PALM2AKAP2: variants seen among roughly 807,000 people sequenced by gnomAD.
PALM2AKAP2 encodes the protein PALM2-AKAP2 fusion protein.
Under a neutral mutation model 71.5 loss-of-function variants are expected in PALM2AKAP2, and 37 were observed. The observed-to-expected ratio is 0.52, with a 90% CI of 0.40 to 0.68. PALM2AKAP2 has a LOEUF of 0.68. Among genes scored for constraint, PALM2AKAP2 ranks in the 30% least tolerant of loss-of-function variants. The pLI is 0.00. For synonymous variants in PALM2AKAP2, 468 were observed against 478.8 expected (o/e 0.98, Z 0.29); for missense variants, 1,224 against 1,191.8 (o/e 1.03, Z -0.40).
At chr9:109,859,087 A>G (rs1829245670) in intron 1 of PALM2AKAP2, among the ~76,000 whole-genome samples, 1 of 152,206 alleles carries the variant, frequency 6.6e-6, no homozygotes, top group African/African-American at 2.4e-5. Flanking sequence ...ATAATATTGC[A>G]TCTAAATTCT....
intron 1 of PALM2AKAP2, among the ~76,000 whole-genome samples, chr9:109,794,112 G>A (rs1177632153): frequency 6.6e-6 from 1 of 152,130 alleles, no homozygotes; most frequent in Non-Finnish European, 1.5e-5. Flanking sequence ...GAACAATAAA[G>A]CATCTCAGAC....
intron 3 of PALM2AKAP2, among the ~76,000 whole-genome samples, chr9:109,887,527 C>A (rs1394792369): frequency 6.6e-6 from 1 of 152,070 alleles, no homozygotes; most frequent in East Asian, 1.9e-4. Context: ...TGTAATATTT[C>A]CTGTTTTGTC....
At chr9:110,134,137 T>C (rs1452752149) in intron 1 of PALM2AKAP2, among the ~76,000 whole-genome samples, 1 of 152,000 alleles carries the variant, frequency 6.6e-6, no homozygotes, top group East Asian at 1.9e-4. Flanking sequence ...TTTTAAAAAT[T>C]AGCCAGGCAT....
At chr9:109,954,353 C>T (rs1477663979) in intron 6 of PALM2AKAP2, among the ~76,000 whole-genome samples, 1 of 151,888 alleles carries the variant, frequency 6.6e-6, no homozygotes, top group Non-Finnish European at 1.5e-5. Context: ...ATTAATAGAC[C>T]ACATCATCTC....
At chr9:109,746,677 G>T (rs1363575796) in intron 1 of PALM2AKAP2, among the ~76,000 whole-genome samples, 1 of 152,140 alleles carries the variant, frequency 6.6e-6, no homozygotes, top group Non-Finnish European at 1.5e-5. Context: ...TGTGGATCTG[G>T]TTCAGGCACT....
chr9:110,093,287 T>G (rs1834758836), intron 1 of PALM2AKAP2, among the ~76,000 whole-genome samples: 1 of 152,114 alleles, frequency 6.6e-6, no homozygotes, highest in Admixed American at 6.5e-5. Context: ...TTACTGGATG[T>G]GAGATGTAAT....
chr9:109,804,622 G>A (rs1399597002), intron 1 of PALM2AKAP2, among the ~76,000 whole-genome samples: 1 of 152,108 alleles, frequency 6.6e-6, no homozygotes, highest in East Asian at 1.9e-4. Flanking sequence ...CATTTTTCTG[G>A]TTAGCTGACA....
intron 1 of PALM2AKAP2, among the ~76,000 whole-genome samples, chr9:109,865,140 C>T (rs1218568717): frequency 8.3e-6 from 1 of 119,966 alleles, no homozygotes; most frequent in Admixed American, 1.1e-4. Context: ...ACTCTGTCGC[C>T]CAGGCTGGAG....
intron 1 of PALM2AKAP2, among the ~76,000 whole-genome samples, chr9:110,118,127 C>T (rs1165848536): frequency 6.7e-6 from 1 of 149,454 alleles, no homozygotes; most frequent in African/African-American, 2.5e-5. Context: ...CTAGAAATAA[C>T]CTAAATTAAT....
At chr9:109,815,358 A>G (rs1188717861) in intron 1 of PALM2AKAP2, among the ~76,000 whole-genome samples, 1 of 152,200 alleles carries the variant, frequency 6.6e-6, no homozygotes, top group Non-Finnish European at 1.5e-5. Flanking sequence ...ACATGTAGGT[A>G]TGGAATTCAG....
intron 1 of PALM2AKAP2, among the ~76,000 whole-genome samples, chr9:110,061,623 AT>A (rs1366175107): frequency 1.4e-5 from 2 of 148,094 alleles, no homozygotes; most frequent in Non-Finnish European, 3.0e-5. Flanking sequence ...TATATATAAA[AT>A]ATATATATTT....
chr9:109,965,604 G>A (rs1264297035), intron 6 of PALM2AKAP2, among the ~76,000 whole-genome samples: 3 of 152,308 alleles, frequency 2.0e-5, no homozygotes, highest in African/African-American at 7.2e-5. Flanking sequence ...ATTGTTTAAT[G>A]GGTACAGAAT....
intron 3 of PALM2AKAP2, among the ~76,000 whole-genome samples, chr9:109,912,555 A>G: frequency 6.6e-6 from 1 of 152,242 alleles, no homozygotes; most frequent in Non-Finnish European, 1.5e-5. Context: ...ATAGAAACAA[A>G]TGCGCTGTCT....
intron 1 of PALM2AKAP2, among the ~76,000 whole-genome samples, chr9:109,711,012 G>A (rs1219787300): frequency 6.6e-6 from 1 of 152,186 alleles, no homozygotes; most frequent in Non-Finnish European, 1.5e-5. Flanking sequence ...AAAACTGGTT[G>A]AAGACAGTTT....
upstream of PALM2AKAP2, among the ~76,000 whole-genome samples, chr9:109,775,986 A>G (rs947255924): frequency 6.6e-6 from 1 of 152,244 alleles, no homozygotes; most frequent in Admixed American, 6.5e-5. Context: ...ATGCAACACA[A>G]TTTAATGTCC....
intron 1 of PALM2AKAP2, among the ~76,000 whole-genome samples, chr9:109,654,794 C>A (rs563665972): frequency 1.5e-5 from 2 of 131,378 alleles, no homozygotes; most frequent in Admixed American, 7.3e-5. Flanking sequence ...TATTAAACTT[C>A]ATGCTTTTTA....
intron 3 of PALM2AKAP2, among the ~76,000 whole-genome samples, chr9:110,157,497 C>T (rs1564339690): frequency 6.6e-6 from 1 of 152,132 alleles, no homozygotes; most frequent in Non-Finnish European, 1.5e-5. Context: ...CTCCTGGGTT[C>T]AGGCAATCCT....
rs1330785300 is a variant in PALM2AKAP2, at chr9:109,809,904, A to G, written c.45+29371A>G. Among the ~76,000 whole-genome samples the G allele has an allele frequency of 2.0e-5, 3 of 152,306 alleles. 1 individual carries two copies. Among genetic ancestry groups the G allele is most frequent in the East Asian group, 3.9e-4 (2 of 5,176 alleles). ...GGCACTTCTTCCTGCCGCCATATGAAGAAGGACATGTTTGCTTCCCCTTCT... is the reference window on the plus strand; with the variant it reads ...GGCACTTCTTCCTGCCGCCATATGAGGAAGGACATGTTTGCTTCCCCTTCT... On this transcript the variant is annotated intron_variant, in intron 1 of 9. Coordinates refer to the PALM2AKAP2 transcript ENST00000302798.
Position 109,751,561 on chromosome 9 carries a change from GTT to G in PALM2AKAP2, c.6-28925_6-28924del, listed in dbSNP as rs752866768. ...TCATATGTACACATAATAGTAAATC[GTT>G]TCTGAGACCTCATGCGCTTGGGCTT... On this transcript the variant is annotated intron_variant, in intron 1 of 6. Coordinates refer to the PALM2AKAP2 transcript ENST00000374531. Among the ~76,000 whole-genome samples, 242 of 152,094 alleles carry G rather than the reference GTT, an allele frequency of 1.6e-3. 1 individual carries two copies. The highest frequency in any genetic ancestry group is 2.8e-3 in the Non-Finnish European group (189 of 68,018).
Sources: gnomAD v4.1 joint callset for allele counts (sites outside exome capture counted in the v4.1 genomes callset) on GRCh38, gnomAD v4.1.1 for gene constraint, MANE v1.5 for transcripts, NCBI Gene and HGNC (gene_info 2026-07-23, HGNC 2026-07-21) for gene names.